The following MACROD2 variants were observed in gnomAD, a reference collection of about 807,000 sequenced individuals.
The protein encoded by MACROD2 is mono-ADP ribosylhydrolase 2.
Under a neutral mutation model 70.4 loss-of-function variants are expected in MACROD2, and 36 were observed. That is an observed-to-expected ratio of 0.51 (90% CI 0.39 to 0.68). The LOEUF is 0.68. Ranked by LOEUF, MACROD2 falls within the 30% of genes least tolerant of loss-of-function variation. The pLI is 0.00. For synonymous variants in MACROD2, 172 were observed against 178.8 expected (o/e 0.96, Z 0.30); for missense variants, 496 against 538.4 (o/e 0.92, Z 0.78).
At chr20:14,654,952 A>G (rs2123519497) in intron 4 of MACROD2, among the ~76,000 whole-genome samples, 1 of 152,334 alleles carries the variant, frequency 6.6e-6, no homozygotes, top group East Asian at 1.9e-4. Context: ...CCTGTAACTC[A>G]TTAATTTTAA....
intron 6 of MACROD2, among the ~76,000 whole-genome samples, chr20:15,258,646 C>G (rs2077221201): frequency 6.6e-6 from 1 of 152,000 alleles, no homozygotes; most frequent in South Asian, 2.1e-4. Flanking sequence ...AATCACCTAG[C>G]AAAGCATTTC....
rs528779116 is a variant in MACROD2, at chr20:14,199,032, C to T, written c.271+113304C>T. 5.3e-5 allele frequency among the ~76,000 whole-genome samples: 8 copies of T among 151,790 alleles called. No homozygotes were observed. The South Asian group carries it at 1.7e-3, about 32-fold the overall frequency. On this transcript the variant is annotated intron_variant, in intron 3 of 17. Transcript: ENST00000684519. ...TTGTCCTCCCTCCCTTCCTTCCTTT[C>T]TTCCTTCCTTTCCCCCTCACTACTC...
chr20:15,185,621 A>G (rs1328376481), intron 5 of MACROD2, among the ~76,000 whole-genome samples: 1 of 152,210 alleles, frequency 6.6e-6, no homozygotes, highest in Non-Finnish European at 1.5e-5. Flanking sequence ...CTACATAATT[A>G]ATTTATAAAT....
intron 6 of MACROD2, among the ~76,000 whole-genome samples, chr20:15,358,511 T>G (rs1207367511): frequency 6.6e-6 from 1 of 152,152 alleles, no homozygotes; most frequent in Non-Finnish European, 1.5e-5. Context: ...ATATTGTCAA[T>G]CTCTCCAAAT....
At chr20:14,468,663 C>T (rs2084488961) in intron 3 of MACROD2, among the ~76,000 whole-genome samples, 1 of 152,102 alleles carries the variant, frequency 6.6e-6, no homozygotes, top group African/African-American at 2.4e-5. Flanking sequence ...AGGCACATGC[C>T]ACCACACTTG....
Position 15,848,471 on chromosome 20 carries a change from C to G in MACROD2, c.646-14274C>G, listed in dbSNP as rs180886906. On this transcript the variant is annotated intron_variant, in intron 8 of 17. Transcript: ENST00000684519. Reference sequence around the variant, plus strand: ...TATAGATACTACATTACTAAAAGACCATGTGACAAAACCCAAATTTAAATA... The same window carrying G: ...TATAGATACTACATTACTAAAAGACGATGTGACAAAACCCAAATTTAAATA... 3.6e-3 allele frequency among the ~76,000 whole-genome samples: 555 copies of G among 152,236 alleles called. 2 individuals are homozygous for G. The highest frequency in any genetic ancestry group is 0.013 in the African/African-American group (536 of 41,534).
At chr20:15,583,287 G>T (rs139292188) in intron 8 of MACROD2, among the ~76,000 whole-genome samples, 6 of 152,198 alleles carry the variant, frequency 3.9e-5, no homozygotes, top group African/African-American at 1.4e-4. Flanking sequence ...CTTAACAAAA[G>T]ACTACATAAA....
At chr20:15,461,630 A>T (rs2046819888) in intron 7 of MACROD2, among the ~76,000 whole-genome samples, 1 of 152,204 alleles carries the variant, frequency 6.6e-6, no homozygotes, top group African/African-American at 2.4e-5. Flanking sequence ...AAATTGTATG[A>T]TCATTTGAAA....
At chr20:15,067,562 C>G (rs1338891675) in intron 5 of MACROD2, among the ~76,000 whole-genome samples, 2 of 152,100 alleles carry the variant, frequency 1.3e-5, no homozygotes, top group South Asian at 4.2e-4. Context: ...GTTGTCTAGG[C>G]TGGTCTCCAA....
At chr20:14,256,818 G>C (rs2082060484) in intron 3 of MACROD2, among the ~76,000 whole-genome samples, 1 of 152,116 alleles carries the variant, frequency 6.6e-6, no homozygotes, top group South Asian at 2.1e-4. Flanking sequence ...ATTTGGCTTA[G>C]CTATCTGGGA....
chr20:15,525,479 T>A (rs1195216300), intron 8 of MACROD2, among the ~76,000 whole-genome samples: 2 of 152,170 alleles, frequency 1.3e-5, no homozygotes, highest in Non-Finnish European at 2.9e-5. Flanking sequence ...AAAAGTAATT[T>A]CCATCATGTG....
intron 8 of MACROD2, among the ~76,000 whole-genome samples, chr20:15,814,616 G>A (rs1016364849): frequency 3.3e-5 from 5 of 152,106 alleles, no homozygotes; most frequent in Non-Finnish European, 4.4e-5. Context: ...CTATGCCCCT[G>A]GTGGAACACA....
intron 6 of MACROD2, among the ~76,000 whole-genome samples, chr20:15,369,947 T>G (rs2045469278): frequency 6.6e-6 from 1 of 152,102 alleles, no homozygotes; most frequent in Non-Finnish European, 1.5e-5. Context: ...GAAATGCAAA[T>G]TAATTCTAAA....
intron 5 of MACROD2, among the ~76,000 whole-genome samples, chr20:14,715,573 C>T (rs562973787): frequency 4.6e-5 from 7 of 152,286 alleles, no homozygotes; most frequent in South Asian, 4.1e-4. Context: ...TGCAGGCAAA[C>T]GTCCTGTTGG....
In MACROD2 at chr20:15,146,931, CCTTA is replaced by C. The variant is rs550810621; in HGVS notation, c.419-83005_419-83002del. On this transcript the variant is annotated intron_variant, in intron 5 of 17. Transcript: ENST00000684519. ...CATGATTAATCATTCTGATTTGCAG[CCTTA>C]CTTGTTTCAATCATTGAGGCCCCAT... 3.1e-4 allele frequency among the ~76,000 whole-genome samples: 47 copies of C among 152,206 alleles called. 1 individual carries two copies. Among genetic ancestry groups the C allele is most frequent in the Admixed American group, 2.6e-3 (39 of 15,288 alleles).
intron 6 of MACROD2, among the ~76,000 whole-genome samples, chr20:15,322,102 T>A (rs2077879855): frequency 6.9e-6 from 1 of 144,212 alleles, no homozygotes; most frequent in Non-Finnish European, 1.6e-5. Context: ...CTACACACAG[T>A]CTTTAAACTT....
At chr20:14,315,447 C>T (rs897671812) in intron 3 of MACROD2, among the ~76,000 whole-genome samples, 1 of 152,018 alleles carries the variant, frequency 6.6e-6, no homozygotes, top group African/African-American at 2.4e-5. Flanking sequence ...TAAGTGTCCA[C>T]TAGGTTTCAA....
At chr20:15,952,039 TAGTG>T (rs1350912088) in intron 12 of MACROD2, among the ~76,000 whole-genome samples, 3 of 152,130 alleles carry the variant, frequency 2.0e-5, no homozygotes, top group African/African-American at 7.2e-5. Flanking sequence ...GTTCTGGCGA[TAGTG>T]AGTAAGTCTC....
At chr20:14,451,004 GA>G (rs934777922) in intron 3 of MACROD2, among the ~76,000 whole-genome samples, 19 of 152,094 alleles carry the variant, frequency 1.2e-4, no homozygotes, top group African/African-American at 4.6e-4. Context: ...GGAAGATAAT[GA>G]AAATGTGACT....
Sources: allele counts gnomAD v4.1 joint callset (sites outside exome capture counted in the v4.1 genomes callset), GRCh38; gene constraint gnomAD v4.1.1; transcripts MANE v1.5; gene names NCBI Gene and HGNC (gene_info 2026-07-23, HGNC 2026-07-21).